Variants in PTPRQ observed in about 807,000 individuals in gnomAD.
PTPRQ encodes phosphatidylinositol phosphatase PTPRQ.
A neutral mutation model predicts 246.0 loss-of-function variants in PTPRQ; 199 were observed. That is an observed-to-expected ratio of 0.81 (90% CI 0.72 to 0.91). PTPRQ has a LOEUF of 0.91. Among genes scored for constraint, PTPRQ ranks in the 40% least tolerant of loss-of-function variants. The pLI is 0.00. For synonymous variants in PTPRQ, 869 were observed against 853.2 expected, an observed-to-expected ratio of 1.02 and a Z score of -0.32; for missense variants, 2,624 against 2,528.4, an observed-to-expected ratio of 1.04 and a Z score of -0.81.
chr12:80,494,885 T>C, intron 10 of PTPRQ, 48 bp from the exon 11 acceptor site: 2 of 1,483,544 alleles, frequency 1.3e-6, no homozygotes, highest in Non-Finnish European at 1.8e-6. Context: ...ATTTTGATTG[T>C]GAAGCCAAAC....
intron 8 of PTPRQ, among the ~76,000 whole-genome samples, chr12:80,484,146 C>T (rs752982901): frequency 6.6e-6 from 1 of 151,862 alleles, no homozygotes; most frequent in Non-Finnish European, 1.5e-5. Flanking sequence ...GCTGGGATTA[C>T]AGGCACGCAC....
intron 6 of PTPRQ, chr12:80,462,122 G>T (rs1333807848): frequency 2.0e-6 from 1 of 506,234 alleles, no homozygotes; most frequent in African/African-American, 2.0e-5. Context: ...AAAGAAAGGG[G>T]TGACAGATGG....
intron 5 of PTPRQ, 118 bp downstream of exon 5, chr12:80,459,601 A>G (rs11114455): frequency 0.051 from 20,111 of 395,926 alleles, 1,248 homozygotes; most frequent in African/African-American, 0.2. Flanking sequence ...TTGATTACTT[A>G]TGGTATCATG....
At position 80,613,611 on chromosome 12, in the gene PTPRQ, C is replaced by T; in HGVS notation, c.4938C>T (p.Asn1646=). 1 of 1,542,336 alleles carries T rather than the reference C, an allele frequency of 6.5e-7. No homozygotes were observed. The change falls in exon 29 of 45, where the codon AAC becomes AAT. Residue 1646 remains asparagine, a synonymous_variant. Coordinates refer to ENST00000644991, the MANE Select transcript of PTPRQ (RefSeq NM_001145026.2). ...TTTTAGCCCCAAAGGACCCACCTAACAACATGACATTTCAGAAGATACCAG... is the reference window on the plus strand; with the variant it reads ...TTTTAGCCCCAAAGGACCCACCTAATAACATGACATTTCAGAAGATACCAG... ...TLESAPKDPP[N]NMTFQKIPDE... is the part of the protein sequence containing the mutation.
chr12:80,610,564 T>C lies in PTPRQ; in HGVS notation c.4857T>C (p.Ile1619=), dbSNP rs61729262. 1,107 of 1,543,666 alleles carry C rather than the reference T, an allele frequency of 7.2e-4. 12 individuals are homozygous for C. The African/African-American group carries it at 0.014, about 19-fold the overall frequency. ...TGATCACTGCATTTACTGGGAACAT[T>C]AGTGCTGCATATGTAGAAGGGAAGT... The part of the protein sequence containing the change: ...SVVITAFTGN[I]SAAYVEGKSS... Residue 1619 remains isoleucine (I), a synonymous_variant, in exon 28 of 45, where the codon ATT becomes ATC. Coordinates refer to ENST00000644991, the MANE Select transcript of PTPRQ (RefSeq NM_001145026.2).
In PTPRQ at chr12:80,484,619, AT is replaced by A. The variant is rs1268425082; in HGVS notation, c.1359+17del. ...GGAAATAATGAGGTATTGCATTTTTATTTCACTTATTGGTGAACCCTTTCTG... is the reference window on the plus strand; with the variant it reads ...GGAAATAATGAGGTATTGCATTTTTATTCACTTATTGGTGAACCCTTTCTG... On this transcript the variant is annotated intron_variant, in intron 9 of 44. Transcript: ENST00000644991. The A allele has an allele frequency of 1.3e-6, 2 of 1,547,346 alleles. No individual in the cohort carries two copies. Among genetic ancestry groups the A allele is most frequent in the Non-Finnish European group, 1.7e-6 (2 of 1,146,070 alleles).
chr12:80,524,569 G>C (rs77398180), intron 17 of PTPRQ, among the ~76,000 whole-genome samples: 2,694 of 152,234 alleles, frequency 0.018, 29 homozygotes, highest in Non-Finnish European at 0.025. Flanking sequence ...GGGATATACT[G>C]AGGTGTGTCT....
At chr12:80,599,079 G>T (rs1405153794) in intron 26 of PTPRQ, among the ~76,000 whole-genome samples, 1 of 151,824 alleles carries the variant, frequency 6.6e-6, no homozygotes, top group African/African-American at 2.4e-5. Context: ...GCAAAATGAT[G>T]GTCTATCCAG....
At chr12:80,670,821 A>T (rs973486136) in intron 42 of PTPRQ, among the ~76,000 whole-genome samples, 5 of 152,068 alleles carry the variant, frequency 3.3e-5, no homozygotes, top group African/African-American at 1.2e-4. Context: ...GAGGGAGATG[A>T]AAAATTATTA....
At chr12:80,654,613 T>A (rs1274682736) in intron 38 of PTPRQ, among the ~76,000 whole-genome samples, 1 of 150,858 alleles carries the variant, frequency 6.6e-6, no homozygotes, top group Non-Finnish European at 1.5e-5. Context: ...GTTGGGAGGC[T>A]GAGGCGGGCA....
At chr12:80,554,705 G>A (rs912763266) in intron 25 of PTPRQ, among the ~76,000 whole-genome samples, 2 of 152,122 alleles carry the variant, frequency 1.3e-5, no homozygotes, top group Admixed American at 6.6e-5. Flanking sequence ...GCTACAATAT[G>A]ATTGACTTGG....
intron 9 of PTPRQ, among the ~76,000 whole-genome samples, chr12:80,490,973 G>A (rs1894429338): frequency 6.6e-6 from 1 of 151,916 alleles, no homozygotes; most frequent in South Asian, 2.1e-4. Flanking sequence ...CACACTTAGT[G>A]ATAACATTCT....
At chr12:80,461,432 G>C (rs1192919668) in intron 6 of PTPRQ, among the ~76,000 whole-genome samples, 1 of 151,932 alleles carries the variant, frequency 6.6e-6, no homozygotes, top group Non-Finnish European at 1.5e-5. Context: ...AATTAAATGA[G>C]AATAATTAGA....
At chr12:80,590,274 C>T (rs928227778) in intron 26 of PTPRQ, among the ~76,000 whole-genome samples, 3 of 152,106 alleles carry the variant, frequency 2.0e-5, no homozygotes, top group African/African-American at 7.2e-5. Context: ...ATTAGTACAA[C>T]TCTTCATTAC....
Position 80,444,256 on chromosome 12 carries a change from C to T in PTPRQ, c.-90C>T. 1 of 700,284 alleles carries T rather than the reference C, an allele frequency of 1.4e-6. No homozygotes were observed. The highest frequency in any genetic ancestry group is 2.5e-6 in the Non-Finnish European group (1 of 398,214). The allele number at this position is 700,284 out of a possible 1,614,324, so 43.4% of individuals were successfully genotyped here. On this transcript the variant is annotated 5_prime_UTR_variant, in exon 1 of 45. Transcript: ENST00000644991. Reference sequence around the variant, plus strand: ...ATGGGCTCATTAATTGTGTACTTGCCAGAAGGATCTGTCTTTAAATCATTA... The same window carrying T: ...ATGGGCTCATTAATTGTGTACTTGCTAGAAGGATCTGTCTTTAAATCATTA...
chr12:80,496,593 A>C, intron 14 of PTPRQ, 62 bp downstream of exon 14: 1 of 1,482,924 alleles, frequency 6.7e-7, no homozygotes, highest in Admixed American at 2.8e-5. Context: ...CAAAGCTGAT[A>C]ATCGCCATGT....
chr12:80,448,789 G>A (rs1409392273), intron 3 of PTPRQ, among the ~76,000 whole-genome samples: 11 of 148,842 alleles, frequency 7.4e-5, no homozygotes, highest in African/African-American at 2.5e-4. Context: ...GGACATTTGG[G>A]TTGGTTCCAA....
chr12:80,453,194 C>T (rs1016580486), intron 3 of PTPRQ, among the ~76,000 whole-genome samples: 21 of 152,250 alleles, frequency 1.4e-4, no homozygotes, highest in Non-Finnish European at 2.1e-4. Context: ...ACGTAGTTTT[C>T]GAGCCTTGGC....
intron 16 of PTPRQ, among the ~76,000 whole-genome samples, chr12:80,509,762 T>C: frequency 6.6e-6 from 1 of 152,172 alleles, no homozygotes; most frequent in East Asian, 1.9e-4. Context: ...TGGCATTTCC[T>C]TTGTAAACCA....
Sources: allele counts gnomAD v4.1 joint callset (sites outside exome capture counted in the v4.1 genomes callset), GRCh38; gene constraint gnomAD v4.1.1; transcripts MANE v1.5; gene names NCBI Gene and HGNC (gene_info 2026-07-23, HGNC 2026-07-21).